The following OLA1 variants were observed in gnomAD, a reference collection of about 807,000 sequenced individuals.
OLA1 encodes the protein Obg like ATPase 1, also known as obg-like ATPase 1.
Under a neutral mutation model 48.4 loss-of-function variants are expected in OLA1, and 14 were observed. The observed-to-expected ratio is 0.29, with a 90% CI of 0.19 to 0.45. The LOEUF is 0.45. OLA1 is among the 20% of genes least tolerant of loss of function. OLA1 has a pLI of 1.00. For synonymous variants in OLA1, 127 were observed against 150.4 expected, an observed-to-expected ratio of 0.84 and a Z score of 1.14; for missense variants, 325 against 467.1, an observed-to-expected ratio of 0.70 and a Z score of 2.80.
chr2:174,083,492 T>C (rs1258148194), intron 7 of OLA1, among the ~76,000 whole-genome samples: 1 of 152,072 alleles, frequency 6.6e-6, no homozygotes, highest in Admixed American at 6.6e-5. Context: ...CTTTTGTTCA[T>C]ATCCCAAAAA....
At chr2:174,177,746 T>C (rs934812834) in intron 4 of OLA1, among the ~76,000 whole-genome samples, 1 of 151,858 alleles carries the variant, frequency 6.6e-6, no homozygotes, top group Admixed American at 6.6e-5. Flanking sequence ...TTTCAGACTT[T>C]TGACAAAGTC....
intron 4 of OLA1, among the ~76,000 whole-genome samples, chr2:174,144,939 A>AT (rs1318022287): frequency 7.1e-5 from 4 of 56,366 alleles, no homozygotes; most frequent in East Asian, 1.0e-3. Flanking sequence ...TTAAAAAAAA[A>AT]AAAAAAAAAA....
rs185928566 is a variant in OLA1, at chr2:174,138,662, T to A, written c.549+3163A>T. 3.5e-3 allele frequency among the ~76,000 whole-genome samples: 536 copies of A among 152,240 alleles called. 2 individuals are homozygous for A. Among genetic ancestry groups the A allele is most frequent in the Non-Finnish European group, 5.8e-3 (396 of 68,004 alleles). ...CAACAAAAACCCCCAAAACCCACAA[T>A]ATCTGTGGAACCGAATAAAGTGAAG... On this transcript the variant is annotated intron_variant, in intron 5 of 10. Coordinates refer to ENST00000284719, the MANE Select transcript of OLA1 (RefSeq NM_013341.5).
At chr2:174,226,403 G>A (rs1406233873) in intron 3 of OLA1, among the ~76,000 whole-genome samples, 4 of 151,568 alleles carry the variant, frequency 2.6e-5, no homozygotes, top group Non-Finnish European at 5.9e-5. Flanking sequence ...GAACTCTCGA[G>A]ACTAAAATGA....
chr2:174,248,363 G>T, intron 1 of OLA1, 89 bp downstream of exon 1: 1 of 154,682 alleles, frequency 6.5e-6, no homozygotes. Flanking sequence ...TGGCCACTGG[G>T]CCCGGGCCCC....
chr2:174,187,954 C>T (rs1378950699), intron 4 of OLA1, among the ~76,000 whole-genome samples: 1 of 152,108 alleles, frequency 6.6e-6, no homozygotes, highest in Admixed American at 6.6e-5. Context: ...AAAAATGATG[C>T]CTGACCTCCT....
intron 5 of OLA1, among the ~76,000 whole-genome samples, chr2:174,128,467 T>C (rs1455656721): frequency 6.6e-6 from 1 of 151,736 alleles, no homozygotes; most frequent in African/African-American, 2.4e-5. Flanking sequence ...CAGTGGCTCA[T>C]GCCTATAATC....
At chr2:174,093,999 T>C (rs10930636) in intron 7 of OLA1, among the ~76,000 whole-genome samples, 23,883 of 152,192 alleles carry the variant, frequency 0.16, 1,967 homozygotes, top group East Asian at 0.21. Flanking sequence ...ATCCAAACTA[T>C]TTATGAAGAT....
chr2:174,180,672 CT>C lies in OLA1; in HGVS notation c.374-38673del, dbSNP rs1206624233. On this transcript the variant is annotated intron_variant, in intron 4 of 10. Transcript: ENST00000284719. ...AAAACTTGAGGAGAACCCTTTTCTA[CT>C]GGCCTACTTGGCCCTAACCGAATAT... 3.3e-5 allele frequency among the ~76,000 whole-genome samples: 5 copies of C among 152,304 alleles called. No homozygotes were observed. In the East Asian group the frequency reaches 9.6e-4, roughly 29 times the overall value.
At chr2:174,233,829 T>C (rs567715135) in intron 2 of OLA1, among the ~76,000 whole-genome samples, 61 of 152,260 alleles carry the variant, frequency 4.0e-4, no homozygotes, top group African/African-American at 1.4e-3. Context: ...TTGGAGGAGA[T>C]AGGAGACATG....
In OLA1 at chr2:174,146,601, T is replaced by C. The variant is rs1010928174; in HGVS notation, c.374-4601A>G. On this transcript the variant is annotated intron_variant, in intron 4 of 10. Coordinates refer to ENST00000284719, the MANE Select transcript of OLA1 (RefSeq NM_013341.5). ...TAGAGAGAGCACTCCAACACTCAGATGACTGAGGGAGGAGAAGAACTTGGC... is the reference window on the plus strand; with the variant it reads ...TAGAGAGAGCACTCCAACACTCAGACGACTGAGGGAGGAGAAGAACTTGGC... Among the ~76,000 whole-genome samples the C allele has an allele frequency of 9.2e-5, 14 of 152,292 alleles. 1 individual carries two copies. Among genetic ancestry groups the C allele is most frequent in the Middle Eastern group, 6.8e-3 (2 of 294 alleles).
rs180882078 is a variant in OLA1 at position 174,182,372 on chromosome 2, A to C, written c.374-40372T>G. Among the ~76,000 whole-genome samples the C allele has an allele frequency of 9.0e-3, 1,365 of 152,140 alleles. 20 individuals carry two copies. Among genetic ancestry groups the C allele is most frequent in the Middle Eastern group, 0.017 (5 of 294 alleles). On this transcript the variant is annotated intron_variant, in intron 4 of 10. Coordinates refer to ENST00000284719, the MANE Select transcript of OLA1 (RefSeq NM_013341.5). ...AACCCCTGTCTCTACTAAAAATACA[A>C]AAAATTAGCCAGGCGTGGTGGCACA...
intron 7 of OLA1, among the ~76,000 whole-genome samples, chr2:174,101,343 T>C (rs760910933): frequency 1.1e-4 from 17 of 152,258 alleles, no homozygotes; most frequent in Non-Finnish European, 2.2e-4. Flanking sequence ...TTGCTGATTT[T>C]AAAAGCTGGG....
chr2:174,217,714 G>C (rs189224452), intron 4 of OLA1, among the ~76,000 whole-genome samples: 1 of 152,000 alleles, frequency 6.6e-6, no homozygotes, highest in African/African-American at 2.4e-5. Context: ...CCAGGCTACC[G>C]TGATCTGCTT....
intron 4 of OLA1, among the ~76,000 whole-genome samples, chr2:174,174,320 T>C (rs1352636794): frequency 1.3e-5 from 2 of 151,972 alleles, no homozygotes; most frequent in Non-Finnish European, 2.9e-5. Context: ...AGCACACAGG[T>C]TTATTTATAA....
chr2:174,110,808 C>T (rs1685631194), intron 7 of OLA1, among the ~76,000 whole-genome samples: 1 of 152,092 alleles, frequency 6.6e-6, no homozygotes, highest in African/African-American at 2.4e-5. Context: ...TCTCGAAATC[C>T]TGGCCTCAAA....
intron 7 of OLA1, among the ~76,000 whole-genome samples, chr2:174,084,355 G>T (rs35732780): frequency 0.12 from 18,132 of 152,148 alleles, 1,373 homozygotes; most frequent in East Asian, 0.21. Context: ...TAGGCTCTTT[G>T]CCTGCCAGCT....
intron 4 of OLA1, among the ~76,000 whole-genome samples, chr2:174,177,305 T>G (rs922447648): frequency 2.0e-5 from 3 of 152,142 alleles, no homozygotes; most frequent in Admixed American, 6.5e-5. Flanking sequence ...CTATTAGAAT[T>G]CAAAATATTT....
intron 4 of OLA1, among the ~76,000 whole-genome samples, chr2:174,193,088 TTTC>T (rs1223916220): frequency 3.6e-5 from 4 of 110,584 alleles, no homozygotes; most frequent in Admixed American, 9.4e-5. Context: ...TATTTCTTTC[TTTC>T]TTTTTTTTTT....
Sources: allele counts gnomAD v4.1 joint callset (sites outside exome capture counted in the v4.1 genomes callset), GRCh38; gene constraint gnomAD v4.1.1; transcripts MANE v1.5; gene names NCBI Gene and HGNC (gene_info 2026-07-23, HGNC 2026-07-21).